THAP12: variants seen among roughly 807,000 people sequenced by gnomAD.
THAP12 encodes THAP domain containing 12, also known as 52 kDa repressor of the inhibitor of the protein kinase.
A neutral mutation model predicts 63.0 loss-of-function variants in THAP12; 20 were observed. The observed-to-expected ratio is 0.32, with a 90% CI of 0.22 to 0.46. The LOEUF (loss-of-function observed/expected upper bound fraction) is 0.46. THAP12 is among the 20% of genes least tolerant of loss of function. THAP12 has a pLI of 1.00. For synonymous variants in THAP12, 264 were observed against 328.4 expected (o/e 0.80, Z 2.12); for missense variants, 568 against 908.2 (o/e 0.63, Z 4.81).
chr11:76,367,703 G>A (rs1167802596), intron 1 of THAP12, among the ~76,000 whole-genome samples: 3 of 152,146 alleles, frequency 2.0e-5, no homozygotes, highest in Non-Finnish European at 1.5e-5. Context: ...GATTACAGGC[G>A]CGAGCCACTG....
chr11:76,374,518 T>G (rs1483457852), intron 1 of THAP12, among the ~76,000 whole-genome samples: 1 of 152,178 alleles, frequency 6.6e-6, no homozygotes, highest in Non-Finnish European at 1.5e-5. Flanking sequence ...ATGCTCAAAT[T>G]ATCAGTTGTT....
At chr11:76,371,973 C>T (rs749326770) in intron 1 of THAP12, among the ~76,000 whole-genome samples, 22 of 151,790 alleles carry the variant, frequency 1.4e-4, no homozygotes, top group Non-Finnish European at 2.5e-4. Flanking sequence ...CCACCATGCC[C>T]GGTTAATTTT....
intron 1 of THAP12, among the ~76,000 whole-genome samples, chr11:76,371,343 CT>C (rs1238953131): frequency 6.6e-6 from 1 of 152,200 alleles, no homozygotes; most frequent in Non-Finnish European, 1.5e-5. Flanking sequence ...TTTTTATACA[CT>C]TCCTATGCAC....
chr11:76,365,562 T>C (rs1946625765), intron 2 of THAP12, among the ~76,000 whole-genome samples: 1 of 152,094 alleles, frequency 6.6e-6, no homozygotes, highest in African/African-American at 2.4e-5. Context: ...TTTTTTGGTA[T>C]TTTCTGTAGC....
At chr11:76,364,392 C>A in intron 2 of THAP12, 2 of 436,494 alleles carry the variant, frequency 4.6e-6, no homozygotes, top group Non-Finnish European at 9.1e-6. Context: ...ATAAAATAAC[C>A]CAATCATTCT....
chr11:76,350,919 T>C lies in THAP12; in HGVS notation c.2231A>G (p.Tyr744Cys). ...TGTAGGAAGCTCTGACTTACTTGTATAGAGTTTAATATATGTGTCCACCAT... is the reference window on the plus strand; with the variant it reads ...TGTAGGAAGCTCTGACTTACTTGTACAGAGTTTAATATATGTGTCCACCAT... Reference protein sequence around the residue: ...DLMVDTYIKLYTSKSELPTDN... With the variant: ...DLMVDTYIKLCTSKSELPTDN... Residue 744 changes from tyrosine (Y) to cysteine (C), a missense_variant, in exon 5 of 5, where the codon TAT becomes TGT. Tyr to Cys is a radical substitution (Grantham distance 194). Transcript: ENST00000260045. 6 of 1,592,914 alleles carry C rather than the reference T, an allele frequency of 3.8e-6. No individual in the cohort carries two copies. Among genetic ancestry groups the C allele is most frequent in the South Asian group, 1.1e-5 (1 of 88,072 alleles).
At chr11:76,372,152 T>C (rs947308210) in intron 1 of THAP12, among the ~76,000 whole-genome samples, 2 of 151,034 alleles carry the variant, frequency 1.3e-5, no homozygotes, top group Non-Finnish European at 2.9e-5. Context: ...AGAGGTGTCA[T>C]TATGTTGCCC....
intron 1 of THAP12, among the ~76,000 whole-genome samples, chr11:76,376,925 A>G (rs1193242830): frequency 6.6e-6 from 1 of 152,062 alleles, no homozygotes; most frequent in Non-Finnish European, 1.5e-5. Context: ...TTTGGGCTAA[A>G]ATTTGGGTAA....
chr11:76,368,908 C>T (rs1590804856), intron 1 of THAP12, among the ~76,000 whole-genome samples: 1 of 152,146 alleles, frequency 6.6e-6, no homozygotes, highest in African/African-American at 2.4e-5. Flanking sequence ...ATAAATTAGG[C>T]TACTTTAAAG....
chr11:76,364,940 C>T (rs1946620911), intron 2 of THAP12, among the ~76,000 whole-genome samples: 1 of 152,110 alleles, frequency 6.6e-6, no homozygotes, highest in Non-Finnish European at 1.5e-5. Flanking sequence ...TAAACATATA[C>T]TTTTATAATC....
At chr11:76,370,509 C>T (rs918278568) in intron 1 of THAP12, among the ~76,000 whole-genome samples, 1 of 151,898 alleles carries the variant, frequency 6.6e-6, no homozygotes, top group African/African-American at 2.4e-5. Context: ...ACTACAGGCA[C>T]ACGCCACCAT....
chr11:76,371,087 C>T (rs1164380645), intron 1 of THAP12, among the ~76,000 whole-genome samples: 2 of 152,104 alleles, frequency 1.3e-5, no homozygotes, highest in Non-Finnish European at 2.9e-5. Flanking sequence ...CCATCAATAA[C>T]ACCCTGGTCC....
At chr11:76,363,924 T>TTA (rs960914248) in intron 2 of THAP12, among the ~76,000 whole-genome samples, 4 of 152,200 alleles carry the variant, frequency 2.6e-5, no homozygotes, top group Non-Finnish European at 4.4e-5. Flanking sequence ...CAGTTTTTAA[T>TTA]AACAACATCT....
At chr11:76,373,868 A>C (rs550235387) in intron 1 of THAP12, among the ~76,000 whole-genome samples, 8 of 152,320 alleles carry the variant, frequency 5.3e-5, no homozygotes, top group Non-Finnish European at 1.0e-4. Context: ...TATCAGAAAA[A>C]TTTTAAAAAT....
Position 76,379,043 on chromosome 11 carries a change from G to A in THAP12, c.89+1705C>T, listed in dbSNP as rs570759197. 4.6e-5 allele frequency among the ~76,000 whole-genome samples: 7 copies of A among 152,226 alleles called. No homozygotes were observed. The East Asian group carries it at 7.7e-4, about 17-fold the overall frequency. The stretch of plus-strand genomic sequence containing the variant: ...AAAAATCTTGAAGTCGGCTGGGCGC[G>A]GTGGCTCAGAGCCTGTTCTAGCACT... On this transcript the variant is annotated intron_variant, in intron 1 of 4. Coordinates refer to ENST00000260045, the MANE Select transcript of THAP12 (RefSeq NM_004705.4).
intron 3 of THAP12, chr11:76,355,857 A>T (rs1329486746): frequency 2.4e-6 from 1 of 408,450 alleles, no homozygotes; most frequent in African/African-American, 2.0e-5. Context: ...CTCCAAGGTT[A>T]TAACAAAGTC....
At chr11:76,366,425 T>C (rs1946631199) in intron 1 of THAP12, among the ~76,000 whole-genome samples, 1 of 152,234 alleles carries the variant, frequency 6.6e-6, no homozygotes, top group Non-Finnish European at 1.5e-5. Flanking sequence ...GTCACGCCTG[T>C]AATCCCAGCA....
In THAP12 at chr11:76,351,183, A is replaced by C; in HGVS notation, c.1967T>G (p.Ile656Arg). ...TTCATAGATGGTGGACGGAAGCTCT[A>C]TATCTTTCCCCCTGTGTTTCCATTT... ...RIKWKHRGKDIELPSTIYEAL... is the reference protein window; with the variant it reads ...RIKWKHRGKDRELPSTIYEAL... Residue 656 changes from isoleucine (I) to arginine (R), a missense_variant, in exon 5 of 5, where the codon ATA (isoleucine) becomes AGA (arginine). Physicochemically the swap from Ile to Arg is moderately conservative, Grantham distance 97 (BLOSUM62 -3). Coordinates refer to ENST00000260045, the MANE Select transcript of THAP12 (RefSeq NM_004705.4). The C allele has an allele frequency of 1.9e-6, 3 of 1,575,056 alleles. No individual in the cohort carries two copies. Among genetic ancestry groups the C allele is most frequent in the Non-Finnish European group, 2.6e-6 (3 of 1,161,978 alleles).
intron 3 of THAP12, chr11:76,357,167 T>C (rs1158450349): frequency 6.6e-6 from 1 of 152,224 alleles, no homozygotes; most frequent in African/African-American, 2.4e-5. Flanking sequence ...TATTAGGTAT[T>C]ATAAATGATT....
Sources: allele counts gnomAD v4.1 joint callset (sites outside exome capture counted in the v4.1 genomes callset), GRCh38; gene constraint gnomAD v4.1.1; transcripts MANE v1.5; gene names NCBI Gene and HGNC (gene_info 2026-07-23, HGNC 2026-07-21).